ANGPT1: variants seen among roughly 807,000 people sequenced by gnomAD.
ANGPT1 encodes angiopoietin-1.
A neutral mutation model predicts 62.2 loss-of-function variants in ANGPT1; 17 were observed. The observed-to-expected ratio is 0.27, with a 90% confidence interval of 0.19 to 0.41. The LOEUF is 0.41. ANGPT1 is among the 10% of genes least tolerant of loss of function. The pLI, the probability that ANGPT1 is intolerant of heterozygous loss-of-function variation, is 1.00. For synonymous variants in ANGPT1, 199 were observed against 198.9 expected (o/e 1.00, Z 0.00); for missense variants, 478 against 594.9 (o/e 0.80, Z 2.04).
chr8:107,416,371 A>G (rs1007788682), intron 1 of ANGPT1, among the ~76,000 whole-genome samples: 1 of 152,220 alleles, frequency 6.6e-6, no homozygotes, highest in African/African-American at 2.4e-5. Flanking sequence ...GACATTTTAA[A>G]GAACACAAAT....
At chr8:107,398,867 C>T (rs1356474775) in intron 1 of ANGPT1, among the ~76,000 whole-genome samples, 1 of 152,064 alleles carries the variant, frequency 6.6e-6, no homozygotes, top group Non-Finnish European at 1.5e-5. Context: ...TTTCAGTATT[C>T]CATAGCTCTA....
chr8:107,374,020 TC>T (rs1253041789), intron 1 of ANGPT1, among the ~76,000 whole-genome samples: 1 of 152,206 alleles, frequency 6.6e-6, no homozygotes, highest in Non-Finnish European at 1.5e-5. Flanking sequence ...TAGCACCACT[TC>T]AATTTGCTGC....
chr8:107,382,716 C>A (rs1816662896), intron 1 of ANGPT1, among the ~76,000 whole-genome samples: 3 of 151,992 alleles, frequency 2.0e-5, no homozygotes, highest in Admixed American at 2.0e-4. Flanking sequence ...AACTAGGAGA[C>A]AACTTAGAAA....
rs1056190395 is a variant in ANGPT1, at chr8:107,282,392, T to G, written c.1205+2290A>C. 2.7e-5 allele frequency among the ~76,000 whole-genome samples: 4 copies of G among 149,606 alleles called. No individual in the cohort carries two copies. The East Asian group carries it at 5.9e-4, about 22-fold the overall frequency. ...CCTTATTTAAGTCTTTCTCCCTTTT[T>G]GGGCAAAATTATATATATGAGGCTC... On this transcript the variant is annotated intron_variant, in intron 7 of 8. Coordinates refer to ENST00000517746, the MANE Select transcript of ANGPT1 (RefSeq NM_001146.5).
At chr8:107,380,453 A>G (rs907476644) in intron 1 of ANGPT1, among the ~76,000 whole-genome samples, 3 of 151,790 alleles carry the variant, frequency 2.0e-5, no homozygotes, top group Non-Finnish European at 4.4e-5. Flanking sequence ...CAAAATACAT[A>G]TACTATGCAT....
At chr8:107,369,322 T>A (rs1489112384) in intron 1 of ANGPT1, among the ~76,000 whole-genome samples, 2 of 152,120 alleles carry the variant, frequency 1.3e-5, no homozygotes, top group Non-Finnish European at 2.9e-5. Flanking sequence ...TTGAAGAGAG[T>A]TACGCCTTGC....
intron 1 of ANGPT1, among the ~76,000 whole-genome samples, chr8:107,361,947 T>C (rs1171973614): frequency 1.3e-5 from 2 of 152,064 alleles, no homozygotes; most frequent in Non-Finnish European, 2.9e-5. Flanking sequence ...TAATCACAGC[T>C]ACTCAGAAGG....
chr8:107,486,671 T>A (rs1812823868), intron 1 of ANGPT1, among the ~76,000 whole-genome samples: 1 of 152,096 alleles, frequency 6.6e-6, no homozygotes, highest in Non-Finnish European at 1.5e-5. Flanking sequence ...ATAATGAAAT[T>A]GCAGCACAGA....
chr8:107,381,415 A>C (rs1355096668), intron 1 of ANGPT1, among the ~76,000 whole-genome samples: 2 of 152,184 alleles, frequency 1.3e-5, no homozygotes, highest in African/African-American at 4.8e-5. Context: ...GGTCCCAAGA[A>C]CCACTTCATG....
chr8:107,457,390 A>G (rs1040465253), intron 1 of ANGPT1, among the ~76,000 whole-genome samples: 2 of 152,114 alleles, frequency 1.3e-5, no homozygotes, highest in Non-Finnish European at 2.9e-5. Context: ...TGAGATAGTC[A>G]ACCAACTAAC....
intron 6 of ANGPT1, among the ~76,000 whole-genome samples, chr8:107,285,755 G>C (rs1358962437): frequency 1.3e-5 from 2 of 151,980 alleles, no homozygotes; most frequent in African/African-American, 4.8e-5. Context: ...TCTAGATTTG[G>C]AGTATTCACA....
chr8:107,337,808 A>T (rs1815601485), intron 2 of ANGPT1, among the ~76,000 whole-genome samples: 1 of 152,044 alleles, frequency 6.6e-6, no homozygotes, highest in South Asian at 2.1e-4. Flanking sequence ...AACATATACC[A>T]ACAGGGCCAG....
intron 4 of ANGPT1, 119 bp downstream of exon 4, chr8:107,321,777 A>T: frequency 5.3e-6 from 4 of 751,354 alleles, no homozygotes; most frequent in Non-Finnish European, 8.4e-6. Context: ...TTCTAACCAT[A>T]AAGTTCTTCT....
chr8:107,287,961 A>G (rs1586190098), intron 6 of ANGPT1, among the ~76,000 whole-genome samples: 1 of 152,216 alleles, frequency 6.6e-6, no homozygotes, highest in African/African-American at 2.4e-5. Flanking sequence ...AATATATGTC[A>G]TAATACACAG....
chr8:107,332,843 C>T (rs184931002), intron 3 of ANGPT1, among the ~76,000 whole-genome samples: 11 of 152,334 alleles, frequency 7.2e-5, no homozygotes, highest in Admixed American at 3.9e-4. Context: ...CAACTAAAGG[C>T]ATGTTGTTGC....
intron 1 of ANGPT1, among the ~76,000 whole-genome samples, chr8:107,353,243 G>C (rs1815970876): frequency 6.6e-6 from 1 of 152,112 alleles, no homozygotes; most frequent in Admixed American, 6.5e-5. Context: ...TGAGCTCCAA[G>C]GATCTTGTTT....
At chr8:107,323,580 A>G (rs1370517565) in intron 3 of ANGPT1, among the ~76,000 whole-genome samples, 2 of 152,154 alleles carry the variant, frequency 1.3e-5, no homozygotes, top group Non-Finnish European at 2.9e-5. Context: ...ATGGCATAAA[A>G]GACTGTGAGG....
At chr8:107,396,869 T>C (rs1363693567) in intron 1 of ANGPT1, among the ~76,000 whole-genome samples, 1 of 151,990 alleles carries the variant, frequency 6.6e-6, no homozygotes, top group East Asian at 1.9e-4. Flanking sequence ...TACAGTTTTA[T>C]TTCCTACTAT....
chr8:107,334,915 A>G (rs189971285), intron 3 of ANGPT1, among the ~76,000 whole-genome samples: 12 of 152,354 alleles, frequency 7.9e-5, no homozygotes, highest in Admixed American at 2.0e-4. Context: ...CCCATGTCAC[A>G]GTACAAGGAT....
Sources: allele counts gnomAD v4.1 joint callset (sites outside exome capture counted in the v4.1 genomes callset), GRCh38; gene constraint gnomAD v4.1.1; transcripts MANE v1.5; gene names NCBI Gene and HGNC (gene_info 2026-07-23, HGNC 2026-07-21).